The following DGKB variants were observed in gnomAD, a reference collection of about 807,000 sequenced individuals.
The protein encoded by DGKB is 90 kDa diacylglycerol kinase.
DGKB carries 67 observed loss-of-function variants against 114.3 expected under a neutral mutation model. The ratio of observed to expected loss-of-function variants is 0.59; its 90% CI spans 0.48 to 0.72. The LOEUF (loss-of-function observed/expected upper bound fraction) is 0.72. Ranked by LOEUF, DGKB falls within the 30% of genes least tolerant of loss-of-function variation. DGKB has a pLI of 0.00. For synonymous variants in DGKB, 398 were observed against 323.1 expected, an observed-to-expected ratio of 1.23 and a Z score of -2.49; for missense variants, 907 against 975.2, an observed-to-expected ratio of 0.93 and a Z score of 0.93.
chr7:14,870,676 T>C (rs1486061717), intron 1 of DGKB, among the ~76,000 whole-genome samples: 1 of 151,990 alleles, frequency 6.6e-6, no homozygotes, highest in East Asian at 1.9e-4. Context: ...GTACCTGTAA[T>C]CTGAGCTACT....
intron 8 of DGKB, among the ~76,000 whole-genome samples, chr7:14,695,258 G>C (rs940143707): frequency 1.3e-5 from 2 of 152,012 alleles, no homozygotes; most frequent in Non-Finnish European, 2.9e-5. Context: ...TCAATCATAA[G>C]AGAAATAAAA....
intron 23 of DGKB, among the ~76,000 whole-genome samples, chr7:14,287,705 G>A (rs1043994020): frequency 2.0e-5 from 3 of 152,120 alleles, no homozygotes; most frequent in Admixed American, 6.6e-5. Flanking sequence ...ACTAGGTGAG[G>A]AGTCATGAAG....
chr7:14,153,694 C>A (rs752991014), intron 25 of DGKB, among the ~76,000 whole-genome samples: 1 of 151,886 alleles, frequency 6.6e-6, no homozygotes, highest in Non-Finnish European at 1.5e-5. Context: ...GCTTAAATCA[C>A]ACATTATTGT....
chr7:14,217,609 C>G (rs1045747195), intron 23 of DGKB, among the ~76,000 whole-genome samples: 16 of 151,212 alleles, frequency 1.1e-4, no homozygotes, highest in African/African-American at 2.4e-5. Flanking sequence ...AAAAAAAAAA[C>G]TAGAACGTAC....
intron 12 of DGKB, among the ~76,000 whole-genome samples, chr7:14,678,108 T>C (rs1820193457): frequency 6.6e-6 from 1 of 152,060 alleles, no homozygotes. Context: ...ATGTTTGAAA[T>C]TTAATATTCT....
At chr7:14,428,489 C>T (rs574803981) in intron 21 of DGKB, among the ~76,000 whole-genome samples, 36 of 152,208 alleles carry the variant, frequency 2.4e-4, no homozygotes, top group African/African-American at 7.2e-4. Flanking sequence ...AGTGTGATTT[C>T]CTTCTGCTCA....
intron 13 of DGKB, among the ~76,000 whole-genome samples, chr7:14,661,727 A>G (rs1817124844): frequency 6.6e-6 from 1 of 151,506 alleles, no homozygotes; most frequent in African/African-American, 2.4e-5. Context: ...AGGACTATAA[A>G]TCATGCTGCT....
chr7:14,655,542 C>T (rs187990776), intron 13 of DGKB, among the ~76,000 whole-genome samples: 53 of 151,664 alleles, frequency 3.5e-4, no homozygotes, highest in African/African-American at 1.2e-3. Context: ...GGGTATTTAG[C>T]CAAAGGAAAG....
intron 23 of DGKB, among the ~76,000 whole-genome samples, chr7:14,322,828 G>A (rs564961368): frequency 4.6e-5 from 7 of 152,124 alleles, no homozygotes; most frequent in Non-Finnish European, 8.8e-5. Context: ...ATAAAATGAT[G>A]TTTCACATCA....
chr7:14,646,066 G>T (rs370570302), intron 13 of DGKB, among the ~76,000 whole-genome samples: 2 of 152,142 alleles, frequency 1.3e-5, no homozygotes, highest in African/African-American at 2.4e-5. Context: ...TTAAAAGATA[G>T]AGATTTGGCT....
chr7:14,575,181 C>T (rs1194510253), intron 19 of DGKB, among the ~76,000 whole-genome samples: 1 of 152,096 alleles, frequency 6.6e-6, no homozygotes, highest in East Asian at 1.9e-4. Context: ...TTCTGGAAAG[C>T]ACCCTTTCAA....
chr7:14,611,170 T>C (rs1035291407), intron 16 of DGKB, among the ~76,000 whole-genome samples: 2 of 152,144 alleles, frequency 1.3e-5, no homozygotes, highest in African/African-American at 2.4e-5. Context: ...TCTTCAGAGA[T>C]AGTTATCTCC....
chr7:14,244,526 A>AG (rs1794165425), intron 23 of DGKB, among the ~76,000 whole-genome samples: 2 of 151,572 alleles, frequency 1.3e-5, no homozygotes, highest in Admixed American at 1.3e-4. Flanking sequence ...GAAAAACAGC[A>AG]GGGCGTGGTG....
chr7:14,154,040 A>G (rs1584080179), intron 25 of DGKB, among the ~76,000 whole-genome samples: 2 of 151,966 alleles, frequency 1.3e-5, no homozygotes, highest in East Asian at 1.9e-4. Context: ...GAGACGAGTC[A>G]AAAAAACAAA....
chr7:14,905,293 T>G (rs191410772), upstream of DGKB, among the ~76,000 whole-genome samples: 17 of 150,304 alleles, frequency 1.1e-4, no homozygotes, highest in African/African-American at 3.9e-4. Context: ...AAGATTCACT[T>G]TAAGAAAAAA....
intron 20 of DGKB, among the ~76,000 whole-genome samples, chr7:14,570,755 C>A (rs1216023228): frequency 6.6e-6 from 1 of 151,712 alleles, no homozygotes; most frequent in African/African-American, 2.4e-5. Flanking sequence ...CTTGCTCTCC[C>A]AGAGGTGGCA....
intron 21 of DGKB, among the ~76,000 whole-genome samples, chr7:14,368,299 A>G (rs978008219): frequency 1.2e-4 from 18 of 152,184 alleles, no homozygotes; most frequent in African/African-American, 3.6e-4. Context: ...TGATAACTGT[A>G]TAATGACAGG....
chr7:14,565,391 T>C (rs1286823066), intron 20 of DGKB, among the ~76,000 whole-genome samples: 1 of 152,170 alleles, frequency 6.6e-6, no homozygotes, highest in Non-Finnish European at 1.5e-5. Context: ...AATAAAATGG[T>C]TAGCATATTA....
intron 21 of DGKB, among the ~76,000 whole-genome samples, chr7:14,387,043 G>T (rs1820456290): frequency 6.6e-6 from 1 of 151,842 alleles, no homozygotes. Context: ...ATTATATTGT[G>T]AAAGTAAAAA....
Sources: gnomAD v4.1 joint callset for allele counts (sites outside exome capture counted in the v4.1 genomes callset) on GRCh38, gnomAD v4.1.1 for gene constraint, MANE v1.5 for transcripts, NCBI Gene and HGNC (gene_info 2026-07-23, HGNC 2026-07-21) for gene names.